Variants in ADAMTSL4 observed in about 807,000 individuals in gnomAD.
ADAMTSL4 encodes the protein ADAMTS-like protein 4.
Under a neutral mutation model 122.8 loss-of-function variants are expected in ADAMTSL4, and 97 were observed. The ratio of observed to expected loss-of-function variants is 0.79; its 90% CI spans 0.67 to 0.93. The LOEUF (loss-of-function observed/expected upper bound fraction) is 0.93, where lower values mean the gene tolerates loss of function less well. Ranked by LOEUF, ADAMTSL4 falls within the 40% of genes least tolerant of loss-of-function variation. The probability of loss-of-function intolerance (pLI) is 0.00; values close to 1 mark genes in which losing one functional copy is unlikely to be tolerated. For synonymous variants in ADAMTSL4, 592 were observed against 568.0 expected, an observed-to-expected ratio of 1.04 and a Z score of -0.60; for missense variants, 1,408 against 1,453.5, an observed-to-expected ratio of 0.97 and a Z score of 0.51.
intron 8 of ADAMTSL4, 77 bp downstream of exon 8, chr1:150,555,642 T>TGTAC (rs1553912316): frequency 5.1e-6 from 8 of 1,574,808 alleles, no homozygotes; most frequent in Non-Finnish European, 6.9e-6. Context: ...CATACACATG[T>TGTAC]ACACACATAT....
Position 150,556,512 on chromosome 1 carries a change from G to C in ADAMTSL4, c.1577-109G>C, listed in dbSNP as rs1181417846. The C allele has an allele frequency of 6.4e-7, 1 of 1,572,788 alleles. No homozygotes were observed. The highest frequency in any genetic ancestry group is 8.7e-7 in the Non-Finnish European group (1 of 1,145,708). ...AGGAGTGAGGAAGCTGAGAGGGCTT[G>C]GGGGGATCTTAGGTTCTGGTGGGAG... On this transcript the variant is annotated intron_variant, in intron 9 of 18. Transcript: ENST00000271643. This position sits in a 1 kb window ranked among gnomAD's most constrained non-coding sequence, Gnocchi z 4.1.
rs978438103 is a variant in ADAMTSL4 at position 150,557,079 on chromosome 1, G to A, written c.1861+29G>A. The A allele has an allele frequency of 3.1e-6, 5 of 1,612,800 alleles. No individual in the cohort carries two copies. The East Asian group carries it at 8.9e-5, about 29-fold the overall frequency. On this transcript the variant is annotated intron_variant, in intron 11 of 18. Transcript: ENST00000271643. ...AGACTCTGACCCCTGCACTTGGAAG[G>A]AGGAGGGAGAGGCTGCAGGGCTGGC...
Position 150,559,972 on chromosome 1 carries a change from A to G in ADAMTSL4, c.3088+67A>G. The G allele has an allele frequency of 6.8e-6, 11 of 1,613,872 alleles. No homozygotes were observed. The highest frequency in any genetic ancestry group is 1.7e-5 in the Admixed American group (1 of 60,026). Reference sequence around the variant, plus strand: ...GCTGAAGTATGGGAGGAGATGAGAAAGGACCAGTGGGAATGGGCAGCACAC... The same window carrying G: ...GCTGAAGTATGGGAGGAGATGAGAAGGGACCAGTGGGAATGGGCAGCACAC... On this transcript the variant is annotated intron_variant, in intron 18 of 18. Transcript: ENST00000271643. The surrounding 1 kb of genome is among the most constrained non-coding windows in gnomAD (Gnocchi z 4.1).
In ADAMTSL4 at chr1:150,552,497, C is replaced by CCT; in HGVS notation, c.21-43_21-42dup. ...GGCGGAGGGCAGTGTTGCAACACCC[C>CCT]CTCTGGCTCCAGTCTGACGTCCCTC... On this transcript the variant is annotated intron_variant, in intron 3 of 18. Coordinates refer to ENST00000271643, the MANE Select transcript of ADAMTSL4 (RefSeq NM_019032.6). This position sits in a 1 kb window ranked among gnomAD's most constrained non-coding sequence, Gnocchi z 4.0. 1 of 1,612,970 alleles carries CCT rather than the reference C, an allele frequency of 6.2e-7. No homozygotes were observed.
Position 150,557,987 on chromosome 1 carries a change from C to A in ADAMTSL4, c.2220C>A (p.Gly740=), listed in dbSNP as rs1301674025. ...GEWTSCSRSC[G]PGTQHRQLQC... ...GGACATCCTGCAGCCGCTCCTGTGG[C>A]CCCGGCACCCAGCACCGCCAGCTGC... The change falls in exon 14 of 19, where the codon GGC becomes GGA. Residue 740 remains glycine (G), a synonymous_variant. Transcript: ENST00000271643. 6.2e-7 allele frequency: 1 copy of A among 1,611,202 alleles called. No homozygotes were observed. Among genetic ancestry groups the A allele is most frequent in the Non-Finnish European group, 8.5e-7 (1 of 1,179,776 alleles).
At position 150,558,122 on chromosome 1, in the gene ADAMTSL4, T is replaced by C; in HGVS notation, c.2355T>C (p.His785=). ...CTTGCCAGCTGCGCCTCTGTGGCCA[T>C]TGGGAAGTTGGCTCTCCTTGGAGCC... ...TQSCQLRLCG[H]WEVGSPWSQC... Residue 785 remains histidine, a synonymous_variant, in exon 14 of 19, where the codon CAT becomes CAC. Coordinates refer to ENST00000271643, the MANE Select transcript of ADAMTSL4 (RefSeq NM_019032.6). 6.2e-7 allele frequency: 1 copy of C among 1,613,370 alleles called. No individual in the cohort carries two copies. The highest frequency in any genetic ancestry group is 8.5e-7 in the Non-Finnish European group (1 of 1,180,008).
chr1:150,551,963 G>A (rs1006295434), intron 2 of ADAMTSL4: 1 of 379,406 alleles, frequency 2.6e-6, no homozygotes, highest in Non-Finnish European at 4.7e-6. Flanking sequence ...GATTTGGGGA[G>A]GAGCTAAGAA....
At chr1:150,550,407 C>A in intron 2 of ADAMTSL4, 1 of 434,758 alleles carries the variant, frequency 2.3e-6, no homozygotes, top group Non-Finnish European at 4.6e-6. Context: ...CGGGAGCTCA[C>A]GTCACCCCCA....
In ADAMTSL4 at chr1:150,559,038, G is replaced by T; in HGVS notation, c.2636G>T (p.Gly879Val). Residue 879 changes from glycine to valine, a missense_variant, in exon 16 of 19, where the codon GGC becomes GTC. Gly to Val is a moderately radical substitution (Grantham distance 109, BLOSUM62 -3). Coordinates refer to ENST00000271643, the MANE Select transcript of ADAMTSL4 (RefSeq NM_019032.6). The surrounding 1 kb of genome is among the most constrained non-coding windows in gnomAD (Gnocchi z 4.1). ...CLGSGAALGP[G>V]QGEAGAGTGQ... ...GGGAGTGGGGCAGCCCTCGGGCCAG[G>T]CCAGGGGGAAGCAGGAGCAGGAACT... The T allele has an allele frequency of 6.2e-7, 1 of 1,612,356 alleles. No homozygotes were observed.
At position 150,553,778 on chromosome 1, in the gene ADAMTSL4, C is replaced by G; in HGVS notation, c.787C>G (p.Pro263Ala). 6.2e-7 allele frequency: 1 copy of G among 1,613,956 alleles called. No individual in the cohort carries two copies. The highest frequency in any genetic ancestry group is 8.5e-7 in the Non-Finnish European group (1 of 1,179,940). ...PRAQASGTEP[P>A]SPTHSLGEGG... ...AGCCCAGGCCTCTGGCACAGAGCCCCCCTCACCCACGCACTCCTTAGGAGA... is the reference window on the plus strand; with the variant it reads ...AGCCCAGGCCTCTGGCACAGAGCCCGCCTCACCCACGCACTCCTTAGGAGA... Residue 263 changes from proline to alanine, a missense_variant, in exon 6 of 19, where the codon CCC (proline) becomes GCC (alanine). Coordinates refer to ENST00000271643, the MANE Select transcript of ADAMTSL4 (RefSeq NM_019032.6).
In ADAMTSL4 at chr1:150,559,881, A is replaced by AGCC; in HGVS notation, c.3065_3067dup (p.Ser1022_Gln1023insArg). 1 of 1,613,956 alleles carries AGCC rather than the reference A, an allele frequency of 6.2e-7. No homozygotes were observed. The highest frequency in any genetic ancestry group is 1.3e-5 in the African/African-American group (1 of 75,014). ...GCCCTCCAGGAAGCGCCCCTGTAAC[A>AGCC]GCCAACCCTGCAGCCAGCGCCCTGG... On this transcript the variant is annotated inframe_insertion, in exon 18 of 19. Transcript: ENST00000271643. The surrounding 1 kb of genome is among the most constrained non-coding windows in gnomAD (Gnocchi z 4.1).
rs774556202 is a variant in ADAMTSL4 at position 150,553,971 on chromosome 1, G to A, written c.980G>A (p.Arg327His). 22 of 1,610,480 alleles carry A rather than the reference G, an allele frequency of 1.4e-5. No homozygotes were observed. The highest frequency in any genetic ancestry group is 2.2e-5 in the East Asian group (1 of 44,832). ...WGTGGTPHGP[R>H]LEPDPQHPGA... is the part of the protein sequence containing the mutation. ...ACGGGGGGGACTCCTCACGGGCCCC[G>A]CCTGGAGCCTGACCCTCAGCACCCG... The change falls in exon 6 of 19, where the codon CGC becomes CAC. Residue 327 changes from arginine (R) to histidine (H), a missense_variant. Physicochemically the swap from Arg to His is conservative, Grantham distance 29. Transcript: ENST00000271643.
In ADAMTSL4 at chr1:150,560,674, T is replaced by C; in HGVS notation, c.*478T>C. ...CCCTGTGTCTCTGACCCCTTCTCATTTGCCTAGTATCTCTGCCCCTGCCTC... is the reference window on the plus strand; with the variant it reads ...CCCTGTGTCTCTGACCCCTTCTCATCTGCCTAGTATCTCTGCCCCTGCCTC... On this transcript the variant is annotated 3_prime_UTR_variant, in exon 19 of 19. Transcript: ENST00000271643. 5.5e-6 allele frequency: 1 copy of C among 181,138 alleles called. No individual in the cohort carries two copies. Among genetic ancestry groups the C allele is most frequent in the Admixed American group, 5.5e-5 (1 of 18,340 alleles). 11.2% of individuals were successfully genotyped at this position (181,138 alleles called of 1,614,324 possible).
intron 2 of ADAMTSL4, chr1:150,550,929 C>T: frequency 2.2e-6 from 1 of 456,444 alleles, no homozygotes. Flanking sequence ...GCTGGCCCAC[C>T]TCAGCAATGC....
In ADAMTSL4 at chr1:150,552,682, C is replaced by A. The variant is rs774759808; in HGVS notation, c.78+82C>A. Reference sequence around the variant, plus strand: ...TAGGCTCCCACCCCATCTCTCCAGGCCACGCCTCCATTCCCCACAGCCCAC... The same window carrying A: ...TAGGCTCCCACCCCATCTCTCCAGGACACGCCTCCATTCCCCACAGCCCAC... On this transcript the variant is annotated intron_variant, in intron 4 of 18. Transcript: ENST00000271643. The surrounding 1 kb of genome is among the most constrained non-coding windows in gnomAD (Gnocchi z 4.0). The A allele has an allele frequency of 2.7e-4, 416 of 1,525,826 alleles. 1 individual carries two copies. Among genetic ancestry groups the A allele is most frequent in the Non-Finnish European group, 3.6e-4 (402 of 1,122,648 alleles). The allele number at this position is 1,525,826 out of a possible 1,614,324, so 94.5% of individuals were successfully genotyped here. A position where few individuals can be genotyped will look rare whatever the true frequency, so the allele number is the denominator to read the frequency against.
chr1:150,558,299 G>A (rs1672412281), intron 14 of ADAMTSL4, 150 bp downstream of exon 14: 2 of 1,513,314 alleles, frequency 1.3e-6, no homozygotes, highest in East Asian at 2.4e-5. Context: ...ATAAGGGACT[G>A]AACCAGGGAC....
chr1:150,550,692 C>G (rs768078501), intron 2 of ADAMTSL4: 2 of 454,142 alleles, frequency 4.4e-6, no homozygotes, highest in Non-Finnish European at 8.9e-6. Flanking sequence ...TGGCCTCCCC[C>G]GTTCAGTCAG....
intron 7 of ADAMTSL4, 29 bp from the exon 8 acceptor site, chr1:150,555,400 A>G: frequency 6.2e-7 from 1 of 1,613,178 alleles, no homozygotes; most frequent in Non-Finnish European, 8.5e-7. Context: ...CAGGGAGCCC[A>G]CTAACCACCC....
intron 14 of ADAMTSL4, 157 bp from the exon 15 acceptor site, chr1:150,558,316 C>T (rs1672414001): frequency 6.6e-6 from 10 of 1,510,390 alleles, no homozygotes; most frequent in African/African-American, 1.4e-5. Context: ...GGACTGGGGG[C>T]CCAGGGCCCT....
Sources: gnomAD v4.1 joint callset for allele counts on GRCh38, gnomAD v4.1.1 for gene constraint, Gnocchi (gnomAD v3.1) non-coding constraint, MANE v1.5 for transcripts, NCBI Gene and HGNC (gene_info 2026-07-23, HGNC 2026-07-21) for gene names.